Variants in GNPTAB observed in about 807,000 individuals in gnomAD.
The protein encoded by GNPTAB is N-acetylglucosamine-1-phosphate transferase subunits alpha and beta, also known as N-acetylglucosamine-1-phosphotransferase subunits alpha/beta.
GNPTAB carries 92 observed loss-of-function variants against 136.6 expected under a neutral mutation model. That is an observed-to-expected ratio of 0.67 (90% CI 0.57 to 0.80). The LOEUF is 0.80. Among genes scored for constraint, GNPTAB ranks in the 30% least tolerant of loss-of-function variants. The pLI, the probability that GNPTAB is intolerant of heterozygous loss-of-function variation, is 0.00. For synonymous variants in GNPTAB, 512 were observed against 535.1 expected (o/e 0.96, Z 0.60); for missense variants, 1,343 against 1,501.8 (o/e 0.89, Z 1.75).
At chr12:101,774,533 G>C (rs1158429270) in intron 7 of GNPTAB, among the ~76,000 whole-genome samples, 1 of 152,176 alleles carries the variant, frequency 6.6e-6, no homozygotes, top group African/African-American at 2.4e-5. Flanking sequence ...ACATAGGACA[G>C]GGATGATAAA....
At chr12:101,788,106 C>T (rs1868771463) in intron 4 of GNPTAB, among the ~76,000 whole-genome samples, 1 of 152,134 alleles carries the variant, frequency 6.6e-6, no homozygotes, top group South Asian at 2.1e-4. Flanking sequence ...GTATTTGGTT[C>T]TTGTTGTTGG....
intron 12 of GNPTAB, 131 bp from the exon 13 acceptor site, chr12:101,765,435 T>C (rs916009175): frequency 5.7e-6 from 4 of 700,200 alleles, no homozygotes; most frequent in African/African-American, 5.3e-5. Context: ...TGAATTTGCA[T>C]GTCGTCCTTG....
intron 1 of GNPTAB, among the ~76,000 whole-genome samples, chr12:101,800,755 G>T (rs1364432849): frequency 6.6e-6 from 1 of 151,968 alleles, no homozygotes; most frequent in Non-Finnish European, 1.5e-5. Flanking sequence ...TCTAACCTGG[G>T]TGACAGAGTG....
At chr12:101,787,470 G>T (rs1467692405) in intron 4 of GNPTAB, among the ~76,000 whole-genome samples, 1 of 152,124 alleles carries the variant, frequency 6.6e-6, no homozygotes, top group Non-Finnish European at 1.5e-5. Flanking sequence ...ATAAAATTTT[G>T]TGAGTTTTTG....
chr12:101,764,410 G>C lies in GNPTAB; in HGVS notation c.2507C>G (p.Pro836Arg). The change falls in exon 13 of 21, where the codon CCA becomes CGA. Residue 836 changes from proline (P) to arginine (R), a missense_variant. Physicochemically the swap from Pro to Arg is moderately radical, Grantham distance 103. Coordinates refer to ENST00000299314, the MANE Select transcript of GNPTAB (RefSeq NM_024312.5). ...IGGNVTKEKP[P>R]SLIVPLESQM... Reference sequence around the variant, plus strand: ...GCTTTCCAGTGGAACAATCAGAGATGGGGGCTTTTCTTTTGTCACATTTCC... The same window carrying C: ...GCTTTCCAGTGGAACAATCAGAGATCGGGGCTTTTCTTTTGTCACATTTCC... 6.2e-7 allele frequency: 1 copy of C among 1,613,430 alleles called. No individual in the cohort carries two copies.
intron 18 of GNPTAB, 131 bp from the exon 19 acceptor site, chr12:101,753,670 T>C: frequency 1.3e-6 from 1 of 760,180 alleles, no homozygotes; most frequent in Non-Finnish European, 2.2e-6. Flanking sequence ...GATATGATTC[T>C]CTGGGGGAAT....
intron 1 of GNPTAB, among the ~76,000 whole-genome samples, chr12:101,811,294 C>A (rs1046986196): frequency 3.3e-5 from 5 of 152,126 alleles, no homozygotes; most frequent in African/African-American, 1.2e-4. Context: ...TGAAAATAGC[C>A]ACGGACAGCA....
In GNPTAB at chr12:101,780,156, T is replaced by G. The variant is rs1237169703; in HGVS notation, c.767A>C (p.Lys256Thr). The G allele has an allele frequency of 6.2e-7, 1 of 1,613,294 alleles. No homozygotes were observed. Among genetic ancestry groups the G allele is most frequent in the East Asian group, 2.2e-5 (1 of 44,858 alleles). The change falls in exon 7 of 21, where the codon AAA becomes ACA. Residue 256 changes from lysine (K) to threonine (T), a missense_variant. By Grantham distance (78) the Lys-to-Thr change is moderately conservative. Transcript: ENST00000299314. ...KLPENLSSKV[K>T]LLQLYSEASV... ...CTCTATTTTCTATGTTCTTACCAGTTTGACTTTAGAGGAAAGATTTTCTGG... is the reference window on the plus strand; with the variant it reads ...CTCTATTTTCTATGTTCTTACCAGTGTGACTTTAGAGGAAAGATTTTCTGG...
chr12:101,790,141 G>T, intron 2 of GNPTAB, 84 bp from the exon 3 acceptor site: 1 of 1,582,266 alleles, frequency 6.3e-7, no homozygotes, highest in East Asian at 2.2e-5. Flanking sequence ...TTTAAACCCA[G>T]AGATTATGAA....
chr12:101,777,407 C>A (rs1953276330), intron 7 of GNPTAB, among the ~76,000 whole-genome samples: 1 of 152,178 alleles, frequency 6.6e-6, no homozygotes, highest in Non-Finnish European at 1.5e-5. Context: ...TTTACAATCT[C>A]ATCCTCACCA....
At chr12:101,761,524 C>G in intron 14 of GNPTAB, 40 bp downstream of exon 14, 5 of 1,580,344 alleles carry the variant, frequency 3.2e-6, no homozygotes, top group Non-Finnish European at 4.3e-6. Context: ...AGCCTTAGTT[C>G]TGAACACAAG....
chr12:101,768,224 TAA>T, intron 10 of GNPTAB, 64 bp from the exon 11 acceptor site: 1 of 1,552,182 alleles, frequency 6.4e-7, no homozygotes, highest in Non-Finnish European at 8.9e-7. Context: ...ATTCTTGAGT[TAA>T]GATTCCCTTT....
At chr12:101,824,433 T>TATATATATATATA (rs1423746036) in intron 1 of GNPTAB, among the ~76,000 whole-genome samples, 161 of 90,448 alleles carry the variant, frequency 1.8e-3, no homozygotes, top group Middle Eastern at 5.6e-3. Flanking sequence ...TATATATATA[T>TATATATATATATA]TTTCTTTTTT....
At chr12:101,785,891 G>T in intron 5 of GNPTAB, 121 bp downstream of exon 5, 2 of 790,742 alleles carry the variant, frequency 2.5e-6, no homozygotes, top group Non-Finnish European at 4.1e-6. Context: ...GCTTCTCTTT[G>T]TGCATTTTTA....
intron 1 of GNPTAB, among the ~76,000 whole-genome samples, chr12:101,803,801 T>C (rs1032877981): frequency 1.3e-5 from 2 of 152,170 alleles, no homozygotes; most frequent in Admixed American, 6.5e-5. Flanking sequence ...TAAACACTGT[T>C]AGACAAAAGG....
intron 1 of GNPTAB, among the ~76,000 whole-genome samples, chr12:101,817,567 C>G (rs1170567707): frequency 6.6e-6 from 1 of 152,036 alleles, no homozygotes; most frequent in African/African-American, 2.4e-5. Context: ...TGCACCCAGC[C>G]TGATCATTAC....
At chr12:101,757,479 G>GCTTA in intron 17 of GNPTAB, 93 bp downstream of exon 17, 1 of 815,278 alleles carries the variant, frequency 1.2e-6, no homozygotes, top group Non-Finnish European at 2.1e-6. Context: ...TTAGAACAGT[G>GCTTA]CTTAATAGAC....
Position 101,795,063 on chromosome 12 carries a change from A to C in GNPTAB, c.203+1614T>G, listed in dbSNP as rs192441868. ...CTGATTTTAAAATGTTAATCAATTT[A>C]GAACTTTCCTTAGGGAAATTAACTT... On this transcript the variant is annotated intron_variant, in intron 2 of 20. Coordinates refer to ENST00000299314, the MANE Select transcript of GNPTAB (RefSeq NM_024312.5). Among the ~76,000 whole-genome samples, 4 of 152,382 alleles carry C rather than the reference A, an allele frequency of 2.6e-5. No homozygotes were observed. In the East Asian group the frequency reaches 7.7e-4, roughly 29 times the overall value.
chr12:101,762,542 T>C (rs980929298), intron 13 of GNPTAB, among the ~76,000 whole-genome samples: 1 of 152,194 alleles, frequency 6.6e-6, no homozygotes, highest in African/African-American at 2.4e-5. Flanking sequence ...TGCAACACTA[T>C]TTGTAATCAC....
Sources: gnomAD v4.1 joint callset for allele counts (sites outside exome capture counted in the v4.1 genomes callset) on GRCh38, gnomAD v4.1.1 for gene constraint, MANE v1.5 for transcripts, NCBI Gene and HGNC (gene_info 2026-07-23, HGNC 2026-07-21) for gene names.